Variants in BRICD5 observed in about 807,000 individuals in gnomAD.
BRICD5 encodes the protein BRICHOS domain containing 5.
A neutral mutation model predicts 28.4 loss-of-function variants in BRICD5; 51 were observed. That is an observed-to-expected ratio of 1.80 (90% CI 1.43 to 2.27). The LOEUF (loss-of-function observed/expected upper bound fraction) is 2.27. Among genes scored for constraint, BRICD5 ranks in the 30% most tolerant of loss-of-function variants. The pLI is 0.00. For synonymous variants in BRICD5, 177 were observed against 130.2 expected, an observed-to-expected ratio of 1.36 and a Z score of -2.44; for missense variants, 456 against 309.6, an observed-to-expected ratio of 1.47 and a Z score of -3.55.
chr16:2,209,526 C>CCT, intron 5 of BRICD5, 27 bp downstream of exon 5: 4 of 1,612,420 alleles, frequency 2.5e-6, no homozygotes, highest in Non-Finnish European at 3.4e-6. Context: ...GAGGGCCTGG[C>CCT]CTTCCCCCAC....
chr16:2,209,510 C>T, intron 5 of BRICD5, 43 bp downstream of exon 5: 5 of 1,612,886 alleles, frequency 3.1e-6, no homozygotes, highest in Non-Finnish European at 4.2e-6. Flanking sequence ...CTCCTCAAAC[C>T]ATCCCGAGGG....
Position 2,209,464 on chromosome 16 carries a change from G to A in BRICD5, c.593-8C>T, listed in dbSNP as rs368994283. Reference sequence around the variant, plus strand: ...GCCGCTGTCTCCGGGGCCCTGTGGCGAGGGTGCCGTGAATCTCCAAGGGCT... The same window carrying A: ...GCCGCTGTCTCCGGGGCCCTGTGGCAAGGGTGCCGTGAATCTCCAAGGGCT... On this transcript the variant is annotated splice_region_variant and splice_polypyrimidine_tract_variant and intron_variant, in intron 5 of 5. Transcript: ENST00000328540. 1.2e-5 allele frequency: 20 copies of A among 1,613,374 alleles called. No homozygotes were observed. Among genetic ancestry groups the A allele is most frequent in the African/African-American group, 2.7e-5 (2 of 74,934 alleles).
rs557727646 is a variant in BRICD5, at chr16:2,210,842, C to T, written c.-9G>A. 8.7e-6 allele frequency: 14 copies of T among 1,601,164 alleles called. No homozygotes were observed. Among genetic ancestry groups the T allele is most frequent in the Middle Eastern group, 3.3e-4 (2 of 6,080 alleles). ...CAGCTTGCTGGTTCCATCCTGCAGC[C>T]CCTGCTCACAATGTGCCGATTGTCT... On this transcript the variant is annotated 5_prime_UTR_variant, in exon 1 of 6. Transcript: ENST00000328540.
chr16:2,210,846 G>C lies in BRICD5; in HGVS notation c.-13C>G. ...TTGCTGGTTCCATCCTGCAGCCCCT[G>C]CTCACAATGTGCCGATTGTCTGCGT... On this transcript the variant is annotated 5_prime_UTR_variant, in exon 1 of 6. Transcript: ENST00000328540. 1 of 1,601,022 alleles carries C rather than the reference G, an allele frequency of 6.2e-7. No individual in the cohort carries two copies. Among genetic ancestry groups the C allele is most frequent in the African/African-American group, 1.3e-5 (1 of 75,052 alleles).
rs1249830474 is a variant in BRICD5 at position 2,209,487 on chromosome 16, G to T, written c.593-31C>A. 3 of 1,613,040 alleles carry T rather than the reference G, an allele frequency of 1.9e-6. No homozygotes were observed. In the Admixed American group the frequency reaches 5.0e-5, roughly 27 times the overall value. Reference sequence around the variant, plus strand: ...GCGAGGGTGCCGTGAATCTCCAAGGGCTCCGCCCCCAGCTCCTCAAACCAT... The same window carrying T: ...GCGAGGGTGCCGTGAATCTCCAAGGTCTCCGCCCCCAGCTCCTCAAACCAT... On this transcript the variant is annotated intron_variant, in intron 5 of 5. Coordinates refer to ENST00000328540, the MANE Select transcript of BRICD5 (RefSeq NM_182563.4).
intron 2 of BRICD5, 85 bp from the exon 3 acceptor site, chr16:2,210,366 CCT>C (rs972450572): frequency 2.5e-5 from 38 of 1,527,854 alleles, no homozygotes; most frequent in Non-Finnish European, 2.8e-5. Flanking sequence ...TCCTGACACC[CCT>C]GAGTGGGCCC....
At position 2,210,163 on chromosome 16, in the gene BRICD5, C is replaced by G. The variant is rs1301895531; in HGVS notation, c.299G>C (p.Ser100Thr). 13 of 1,608,408 alleles carry G rather than the reference C, an allele frequency of 8.1e-6. No individual in the cohort carries two copies. Among genetic ancestry groups the G allele is most frequent in the African/African-American group, 1.3e-5 (1 of 74,888 alleles). ...GAACAGCACCGCCCAGCTGTGGTTG[C>G]TCTGAGGTGGGGTCACTGTGATGGT... ...AATITVTPPQ[S>T]NHSWAVLFDG... The change falls in exon 3 of 6, where the codon AGC becomes ACC. Residue 100 changes from serine to threonine, a missense_variant. Coordinates refer to ENST00000328540, the MANE Select transcript of BRICD5 (RefSeq NM_182563.4).
At chr16:2,209,872 G>A in intron 4 of BRICD5, 78 bp downstream of exon 4, 3 of 1,409,088 alleles carry the variant, frequency 2.1e-6, no homozygotes, top group Admixed American at 2.6e-5. Flanking sequence ...CACAGCTCCA[G>A]CCTGTCCCGT....
chr16:2,209,871 A>G lies in BRICD5; in HGVS notation c.438+79T>C. 4 of 1,410,930 alleles carry G rather than the reference A, an allele frequency of 2.8e-6. No individual in the cohort carries two copies. In the South Asian group the frequency reaches 4.2e-5, roughly 15 times the overall value. 87.4% of individuals were successfully genotyped at this position (1,410,930 alleles called of 1,614,324 possible). ...TCCTGTTCCCTGAAACCACAGCTCC[A>G]GCCTGTCCCGTACTGGGCTGCACAC... On this transcript the variant is annotated intron_variant, in intron 4 of 5. Coordinates refer to ENST00000328540, the MANE Select transcript of BRICD5 (RefSeq NM_182563.4).
intron 4 of BRICD5, 103 bp downstream of exon 4, chr16:2,209,846 TC>T (rs2141396015): frequency 7.2e-7 from 1 of 1,383,022 alleles, no homozygotes; most frequent in South Asian, 1.4e-5. Flanking sequence ...GGAGAGAGCT[TC>T]CTGTTCCCTG....
chr16:2,210,651 C>T lies in BRICD5; in HGVS notation c.52-1G>A, dbSNP rs766576980. On this transcript the variant is annotated splice_acceptor_variant, in intron 1 of 5. Transcript: ENST00000328540. LOFTEE classifies it high-confidence loss of function. Reference sequence around the variant, plus strand: ...CCCCGCAGGAGGGCTTGGTCTTCACCTGGGCGTGCATCAGGGTCAGAAGGG... The same window carrying T: ...CCCCGCAGGAGGGCTTGGTCTTCACTTGGGCGTGCATCAGGGTCAGAAGGG... 4 of 1,610,964 alleles carry T rather than the reference C, an allele frequency of 2.5e-6. No individual in the cohort carries two copies. The East Asian group carries it at 8.9e-5, about 36-fold the overall frequency.
intron 2 of BRICD5, 105 bp from the exon 3 acceptor site, chr16:2,210,386 C>A: frequency 6.5e-7 from 1 of 1,533,748 alleles, no homozygotes; most frequent in Non-Finnish European, 8.8e-7. Context: ...CCCTTCCACC[C>A]CTTGGTCCTC....
Position 2,210,834 on chromosome 16 carries a change from C to T in BRICD5, c.-1G>A, listed in dbSNP as rs1344769188. On this transcript the variant is annotated 5_prime_UTR_variant, in exon 1 of 6. Transcript: ENST00000328540. ...CAGCACAGCAGCTTGCTGGTTCCATCCTGCAGCCCCTGCTCACAATGTGCC... is the reference window on the plus strand; with the variant it reads ...CAGCACAGCAGCTTGCTGGTTCCATTCTGCAGCCCCTGCTCACAATGTGCC... 2 of 1,601,616 alleles carry T rather than the reference C, an allele frequency of 1.2e-6. No homozygotes were observed. The highest frequency in any genetic ancestry group is 3.3e-5 in the Admixed American group (2 of 59,984).
In BRICD5 at chr16:2,210,584, C is replaced by CCAGCAGCAGCAGCAGCAG. The variant is rs745438012; in HGVS notation, c.100_117dup (p.Leu34_Leu39dup). On this transcript the variant is annotated inframe_insertion, in exon 2 of 6. Coordinates refer to ENST00000328540, the MANE Select transcript of BRICD5 (RefSeq NM_182563.4). ...GCCACAACCCCCACAGCGGCCAGCA[C>CCAGCAGCAGCAGCAGCAG]CAGCAGCAGCAGCAGCAGGAGCAGG... 1.4e-6 allele frequency: 2 copies of CCAGCAGCAGCAGCAGCAG among 1,468,010 alleles called. No individual in the cohort carries two copies. The highest frequency in any genetic ancestry group is 1.2e-5 in the South Asian group (1 of 82,672). The allele number at this position is 1,468,010 out of a possible 1,614,324, so 90.9% of individuals were successfully genotyped here.
In BRICD5 at chr16:2,209,274, G is replaced by A. The variant is rs1699901172; in HGVS notation, c.*88C>T. The A allele has an allele frequency of 3.0e-5, 37 of 1,243,550 alleles. 1 individual carries two copies. Among genetic ancestry groups the A allele is most frequent in the Non-Finnish European group, 4.3e-5 (37 of 869,534 alleles). The allele number at this position is 1,243,550 out of a possible 1,614,324, so 77.0% of individuals were successfully genotyped here. ...CATGGCCAGGTGGAAGGGTTTATTA[G>A]TCCCTGCCAGCAGCTGTCCTCCCTG... On this transcript the variant is annotated 3_prime_UTR_variant, in exon 6 of 6. Coordinates refer to ENST00000328540, the MANE Select transcript of BRICD5 (RefSeq NM_182563.4).
Position 2,209,437 on chromosome 16 carries a change from C to G in BRICD5, c.612G>C (p.Leu204=). 1 of 1,613,792 alleles carries G rather than the reference C, an allele frequency of 6.2e-7. No individual in the cohort carries two copies. Among genetic ancestry groups the G allele is most frequent in the East Asian group, 2.2e-5 (1 of 44,884 alleles). The change falls in exon 6 of 6, where the codon CTG becomes CTC. Residue 204 remains leucine (L), a synonymous_variant. Transcript: ENST00000328540. ...AGCAGATGTCGATGCAGAGATAAATCAGCCGCTGTCTCCGGGGCCCTGTGG... is the reference window on the plus strand; with the variant it reads ...AGCAGATGTCGATGCAGAGATAAATGAGCCGCTGTCTCCGGGGCCCTGTGG... The part of the protein sequence containing the change: ...RRAEGPRRQR[L]IYLCIDICFP...
rs2093362654 is a variant in BRICD5 at position 2,209,559 on chromosome 16, C to T, written c.586G>A (p.Ala196Thr). Residue 196 changes from alanine to threonine, a missense_variant, in exon 5 of 6, where the codon GCA becomes ACA. Physicochemically the swap from Ala to Thr is moderately conservative, Grantham distance 58 (BLOSUM62 0). Transcript: ENST00000328540. ...MRTPIYWARRAEGPRRQRLIY... is the reference protein window; with the variant it reads ...MRTPIYWARRTEGPRRQRLIY... ...CACAGCGGTCCTGACTCACCCTCTG[C>T]TCGCCGGGCCCAGTAGATGGGGGTC... 1 of 1,611,984 alleles carries T rather than the reference C, an allele frequency of 6.2e-7. No individual in the cohort carries two copies.
chr16:2,210,325 C>T (rs1369632995), intron 2 of BRICD5, 44 bp from the exon 3 acceptor site: 2 of 1,505,514 alleles, frequency 1.3e-6, no homozygotes, highest in Admixed American at 4.0e-5. Flanking sequence ...TGTGCAACCC[C>T]AGCACAGCCT....
intron 3 of BRICD5, 27 bp from the exon 4 acceptor site, chr16:2,210,078 G>T: frequency 1.2e-6 from 2 of 1,600,918 alleles, no homozygotes; most frequent in Non-Finnish European, 8.5e-7. Context: ...GTGAGGCGGG[G>T]CCCCCCAGAC....
Sources: gnomAD v4.1 joint callset for allele counts on GRCh38, gnomAD v4.1.1 for gene constraint, MANE v1.5 for transcripts, NCBI Gene and HGNC (gene_info 2026-07-23, HGNC 2026-07-21) for gene names.